RAB13: variants seen among roughly 807,000 people sequenced by gnomAD.
The protein encoded by RAB13 is ras-related protein Rab-13.
RAB13 carries 15 observed loss-of-function variants against 29.3 expected under a neutral mutation model. The ratio of observed to expected loss-of-function variants is 0.51; its 90% confidence interval spans 0.34 to 0.79. The LOEUF (loss-of-function observed/expected upper bound fraction) is 0.79. Ranked by LOEUF, RAB13 falls within the 30% of genes least tolerant of loss-of-function variation. The pLI is 0.01. For synonymous variants in RAB13, 82 were observed against 93.8 expected, an observed-to-expected ratio of 0.87 and a Z score of 0.73; for missense variants, 186 against 255.5, an observed-to-expected ratio of 0.73 and a Z score of 1.85.
chr1:153,985,058 G>T, intron 1 of RAB13: 1 of 1,167,948 alleles, frequency 8.6e-7, no homozygotes, highest in Non-Finnish European at 1.1e-6. Flanking sequence ...CTGCCTCTTG[G>T]GTCCATTCAG....
chr1:153,982,952 C>A (rs945958075), intron 4 of RAB13, 144 bp from the exon 5 acceptor site: 6 of 824,734 alleles, frequency 7.3e-6, no homozygotes, highest in Non-Finnish European at 9.9e-6. Flanking sequence ...ATGGAGAAAA[C>A]CCGTCTCTAC....
upstream of RAB13, among the ~76,000 whole-genome samples, chr1:153,989,404 C>T (rs545061604): frequency 8.2e-3 from 1,244 of 151,152 alleles, 5 homozygotes; most frequent in Non-Finnish European, 0.012. Flanking sequence ...CGCCCGCCAC[C>T]GCGCCCGGCT....
upstream of RAB13, among the ~76,000 whole-genome samples, chr1:153,987,689 C>T (rs536302836): frequency 6.8e-6 from 1 of 147,546 alleles, no homozygotes; most frequent in South Asian, 2.1e-4. Context: ...CTTGTAATCC[C>T]AGCACTTTGG....
At chr1:153,982,363 T>C (rs1363871690) in intron 7 of RAB13, 28 bp downstream of exon 7, 14 of 1,587,858 alleles carry the variant, frequency 8.8e-6, no homozygotes, top group Non-Finnish European at 1.1e-5. Context: ...ACCCCAGAGT[T>C]GTACCTAGTC....
chr1:153,984,858 C>A, intron 1 of RAB13, 77 bp from the exon 2 acceptor site: 1 of 1,506,112 alleles, frequency 6.6e-7, no homozygotes, highest in Non-Finnish European at 9.0e-7. Context: ...GGGACAGGAA[C>A]GGAGCAGTGC....
Position 153,982,562 on chromosome 1 carries a change from A to G in RAB13, c.453T>C (p.Ser151=). The change falls in exon 6 of 8, where the codon AGT becomes AGC. Residue 151 remains serine, a synonymous_variant. Coordinates refer to ENST00000368575, the MANE Select transcript of RAB13 (RefSeq NM_002870.5). ...REHGIRFFET[S]AKSSMNVDEA... ...CATCCACATTCATACTGGATTTAGCACTAGTTTCGAAAAATCGGATTCCAT... is the reference window on the plus strand; with the variant it reads ...CATCCACATTCATACTGGATTTAGCGCTAGTTTCGAAAAATCGGATTCCAT... 1.2e-6 allele frequency: 2 copies of G among 1,613,738 alleles called. No individual in the cohort carries two copies. Among genetic ancestry groups the G allele is most frequent in the Non-Finnish European group, 1.7e-6 (2 of 1,179,716 alleles).
rs770748232 is a variant in RAB13 at position 153,986,085 on chromosome 1, G to A, written c.124+28C>T. On this transcript the variant is annotated intron_variant, in intron 1 of 7. Transcript: ENST00000368575. The stretch of plus-strand genomic sequence containing the variant: ...GGAGAAGGAGGTCACAGGAGAGTCG[G>A]GGTCTGGGACATGGCCAGCGGGCTC... 20 of 1,612,404 alleles carry A rather than the reference G, an allele frequency of 1.2e-5. No homozygotes were observed. In the Admixed American group the frequency reaches 1.8e-4, roughly 15 times the overall value.
Position 153,983,509 on chromosome 1 carries a change from C to A in RAB13, c.246+12G>T, listed in dbSNP as rs1361736368. 4 of 1,596,572 alleles carry A rather than the reference C, an allele frequency of 2.5e-6. No individual in the cohort carries two copies. In the African/African-American group the frequency reaches 5.4e-5, roughly 21 times the overall value. ...TCATCCTTCATCCTTTGTTCAGACC[C>A]ACACTTCATACCATGGCTCCACGGT... On this transcript the variant is annotated intron_variant, in intron 3 of 7. Transcript: ENST00000368575.
intron 1 of RAB13, chr1:153,985,053 T>C: frequency 8.4e-7 from 1 of 1,184,756 alleles, no homozygotes; most frequent in Non-Finnish European, 1.0e-6. Flanking sequence ...TTAGGCTGCC[T>C]CTTGGGTCCA....
chr1:153,989,881 A>C (rs954310774), upstream of RAB13, among the ~76,000 whole-genome samples: 5 of 151,914 alleles, frequency 3.3e-5, no homozygotes, highest in Admixed American at 6.6e-5. Context: ...AACAAGAGCA[A>C]AACTGTGTCT....
chr1:153,983,310 A>G lies in RAB13; in HGVS notation c.247-14T>C. 6.2e-7 allele frequency: 1 copy of G among 1,610,748 alleles called. No individual in the cohort carries two copies. Among genetic ancestry groups the G allele is most frequent in the Non-Finnish European group, 8.5e-7 (1 of 1,176,990 alleles). ...TAGGATAATGCCCTGGGAGATGACA[A>G]AATTCACCTTGGACCATGTTCCCAT... On this transcript the variant is annotated splice_polypyrimidine_tract_variant and intron_variant, in intron 3 of 7. Transcript: ENST00000368575.
At chr1:153,984,286 C>T (rs1465820909) in intron 2 of RAB13, among the ~76,000 whole-genome samples, 1 of 151,986 alleles carries the variant, frequency 6.6e-6, no homozygotes, top group Non-Finnish European at 1.5e-5. Flanking sequence ...CCAGTCTGCT[C>T]TTATATGTCA....
upstream of RAB13, among the ~76,000 whole-genome samples, chr1:153,988,786 AT>A (rs1277054423): frequency 6.8e-6 from 1 of 147,466 alleles, no homozygotes; most frequent in Non-Finnish European, 1.5e-5. Flanking sequence ...CTAATTTTGT[AT>A]TTTTAGTAGA....
intron 4 of RAB13, 50 bp from the exon 5 acceptor site, chr1:153,982,858 G>A: frequency 6.3e-7 from 1 of 1,580,382 alleles, no homozygotes; most frequent in Non-Finnish European, 8.7e-7. Context: ...TGGGAGCGGT[G>A]GCTCACGCCT....
At chr1:153,988,188 T>C (rs2147864020), upstream of RAB13, among the ~76,000 whole-genome samples, 1 of 151,814 alleles carries the variant, frequency 6.6e-6, no homozygotes, top group East Asian at 1.9e-4. Context: ...AGAGATGGGG[T>C]TTCACCATGT....
upstream of RAB13, among the ~76,000 whole-genome samples, chr1:153,989,200 G>A (rs1309545681): frequency 6.8e-6 from 1 of 146,422 alleles, no homozygotes; most frequent in African/African-American, 2.5e-5. Context: ...CCAAAGTGCT[G>A]GGATTACAGG....
chr1:153,984,865 G>C, intron 1 of RAB13, 84 bp from the exon 2 acceptor site: 1 of 1,458,308 alleles, frequency 6.9e-7, no homozygotes. Context: ...GAACGGAGCA[G>C]TGCTGGCACC....
At chr1:153,984,580 C>G (rs151140319) in intron 2 of RAB13, 141 bp downstream of exon 2, 1 of 712,808 alleles carries the variant, frequency 1.4e-6, no homozygotes, top group African/African-American at 1.8e-5. Context: ...TGAGTGCATC[C>G]GGAGAAATGC....
Position 153,982,118 on chromosome 1 carries a change from T to C in RAB13, c.593A>G (p.Asn198Ser). 1 of 1,613,834 alleles carries C rather than the reference T, an allele frequency of 6.2e-7. No homozygotes were observed. Among genetic ancestry groups the C allele is most frequent in the Non-Finnish European group, 8.5e-7 (1 of 1,179,988 alleles). The change falls in exon 8 of 8, where the codon AAC becomes AGC. Residue 198 changes from asparagine (N) to serine (S), a missense_variant. Physicochemically the swap from Asn to Ser is conservative, Grantham distance 46. Transcript: ENST00000368575. ...DLKTCDKKNT[N>S]KCSLG The stretch of plus-strand genomic sequence containing the variant: ...GGGTCCTCAGCCCAGGGAGCACTTG[T>C]TGGTGTTCTTCTTGTCACAAGTTTT...
Sources: gnomAD v4.1 joint callset for allele counts (sites outside exome capture counted in the v4.1 genomes callset) on GRCh38, gnomAD v4.1.1 for gene constraint, MANE v1.5 for transcripts, NCBI Gene and HGNC (gene_info 2026-07-23, HGNC 2026-07-21) for gene names.